STPG2: variants seen among roughly 807,000 people sequenced by gnomAD.
The protein encoded by STPG2 is sperm-tail PG-rich repeat-containing protein 2.
In STPG2, 56 loss-of-function variants were observed where a neutral mutation model predicts 54.2. The ratio of observed to expected loss-of-function variants is 1.03; its 90% confidence interval spans 0.83 to 1.29. The LOEUF is 1.29. Among genes scored for constraint, STPG2 ranks in the 50% most tolerant of loss-of-function variants. The pLI, the probability that STPG2 is intolerant of heterozygous loss-of-function variation, is 0.00. For missense variants in STPG2, 596 were observed against 544.9 expected (o/e 1.09, Z -0.93); for synonymous variants, 200 against 181.8 (o/e 1.10, Z -0.81).
In STPG2 at chr4:97,656,335, CAAG is replaced by C. The variant is rs1299908160; in HGVS notation, c.1320+56361_1320+56363del. 2.0e-5 allele frequency among the ~76,000 whole-genome samples: 3 copies of C among 152,154 alleles called. No homozygotes were observed. The East Asian group carries it at 5.8e-4, about 29-fold the overall frequency. ...ATAAAAGGTGATTCCATTCAAATGC[CAAG>C]AAGGTTTGTGGCATGTACTGTTGAC... On this transcript the variant is annotated intron_variant, in intron 10 of 10. Coordinates refer to ENST00000295268, the MANE Select transcript of STPG2 (RefSeq NM_174952.3).
At chr4:98,068,068 T>C (rs952821535) in intron 5 of STPG2, among the ~76,000 whole-genome samples, 9 of 152,164 alleles carry the variant, frequency 5.9e-5, no homozygotes, top group African/African-American at 2.2e-4. Context: ...TAATTCATAA[T>C]CTTTTGTATA....
At chr4:97,863,660 G>C (rs2149144202) in intron 8 of STPG2, among the ~76,000 whole-genome samples, 1 of 152,124 alleles carries the variant, frequency 6.6e-6, no homozygotes, top group Non-Finnish European at 1.5e-5. Context: ...GAGAATTTTA[G>C]ACCAATATCC....
intron 9 of STPG2, among the ~76,000 whole-genome samples, chr4:97,744,342 T>C (rs1725359303): frequency 6.6e-6 from 1 of 151,326 alleles, no homozygotes; most frequent in African/African-American, 2.4e-5. Flanking sequence ...CTTATCTTGA[T>C]GTCAAATGGC....
At chr4:97,652,143 T>C (rs1361209645) in intron 10 of STPG2, among the ~76,000 whole-genome samples, 1 of 151,892 alleles carries the variant, frequency 6.6e-6, no homozygotes, top group East Asian at 1.9e-4. Context: ...CCGTGAAACA[T>C]CACTTATGAT....
chr4:97,790,168 C>T (rs1414610385), intron 9 of STPG2, among the ~76,000 whole-genome samples: 1 of 98,850 alleles, frequency 1.0e-5, no homozygotes, highest in East Asian at 4.2e-4. Flanking sequence ...CTCACGATTA[C>T]ATCTGGAACA....
intron 10 of STPG2, among the ~76,000 whole-genome samples, chr4:97,652,887 T>A (rs961627041): frequency 5.3e-5 from 8 of 152,166 alleles, no homozygotes; most frequent in Non-Finnish European, 1.0e-4. Context: ...TAGACTAAAA[T>A]CATCATCATT....
chr4:97,865,258 C>A (rs577616030), intron 8 of STPG2, among the ~76,000 whole-genome samples: 1 of 152,074 alleles, frequency 6.6e-6, no homozygotes, highest in Non-Finnish European at 1.5e-5. Flanking sequence ...AAAAAACAAA[C>A]AACCCCATCA....
chr4:97,926,391 AG>A (rs1224404399), intron 8 of STPG2, among the ~76,000 whole-genome samples: 1 of 152,090 alleles, frequency 6.6e-6, no homozygotes, highest in Non-Finnish European at 1.5e-5. Context: ...CCATCCAAGA[AG>A]GGCTCTCTCT....
In STPG2 at chr4:98,018,417, T is replaced by A. The variant is rs538874544; in HGVS notation, c.613-37099A>T. Among the ~76,000 whole-genome samples the A allele has an allele frequency of 1.8e-3, 274 of 152,372 alleles. 2 individuals are homozygous for A. Among genetic ancestry groups the A allele is most frequent in the African/African-American group, 6.2e-3 (256 of 41,584 alleles). ...CAGATTTTCTTAATCCAGTCTATCA[T>A]TGTTGGACATTTGGGTTGGTTCCAA... On this transcript the variant is annotated intron_variant, in intron 5 of 10. Coordinates refer to ENST00000295268, the MANE Select transcript of STPG2 (RefSeq NM_174952.3).
intron 9 of STPG2, among the ~76,000 whole-genome samples, chr4:97,826,337 A>T (rs1398027291): frequency 6.6e-6 from 1 of 152,210 alleles, no homozygotes; most frequent in Non-Finnish European, 1.5e-5. Flanking sequence ...GGATTGTTTT[A>T]TGTGAGATAG....
At chr4:97,825,387 C>T (rs951993840) in intron 9 of STPG2, among the ~76,000 whole-genome samples, 6 of 152,082 alleles carry the variant, frequency 3.9e-5, no homozygotes, top group South Asian at 2.1e-4. Flanking sequence ...AAATACTAAG[C>T]TCTGCACATT....
chr4:97,598,160 C>A (rs944394719), intron 10 of STPG2, among the ~76,000 whole-genome samples: 1 of 151,862 alleles, frequency 6.6e-6, no homozygotes, highest in Non-Finnish European at 1.5e-5. Context: ...GAAACAAATA[C>A]GTAGGAATAC....
chr4:97,651,190 A>C (rs1722056705), intron 10 of STPG2, among the ~76,000 whole-genome samples: 1 of 152,146 alleles, frequency 6.6e-6, no homozygotes, highest in Non-Finnish European at 1.5e-5. Flanking sequence ...AAGTTTCTTG[A>C]CTACCTGTGT....
chr4:97,477,863 T>G (rs967499825), intron 4 of STPG2, among the ~76,000 whole-genome samples: 1 of 152,082 alleles, frequency 6.6e-6, no homozygotes, highest in Non-Finnish European at 1.5e-5. Context: ...TCTATATCCT[T>G]TGACAAATCT....
At chr4:97,600,771 C>T (rs112259676) in intron 10 of STPG2, among the ~76,000 whole-genome samples, 1,911 of 152,048 alleles carry the variant, frequency 0.013, 37 homozygotes, top group African/African-American at 0.044. Context: ...TTATATAGAC[C>T]GTTAAAGCCT....
intron 9 of STPG2, among the ~76,000 whole-genome samples, chr4:97,778,912 A>G (rs1726488470): frequency 6.6e-6 from 1 of 152,210 alleles, no homozygotes; most frequent in African/African-American, 2.4e-5. Flanking sequence ...AAGGACATCC[A>G]CACCAAAACC....
At chr4:97,638,108 A>C (rs540346328) in intron 10 of STPG2, among the ~76,000 whole-genome samples, 1 of 152,330 alleles carries the variant, frequency 6.6e-6, no homozygotes, top group South Asian at 2.1e-4. Flanking sequence ...ACAAGGCTAC[A>C]GTAACCAAAA....
intron 3 of STPG2, among the ~76,000 whole-genome samples, chr4:98,114,575 G>A (rs950827360): frequency 6.6e-6 from 1 of 151,890 alleles, no homozygotes; most frequent in African/African-American, 2.4e-5. Context: ...CTCTTTTAAT[G>A]CAAGGATTCA....
chr4:97,927,217 T>G (rs925771118), intron 8 of STPG2, among the ~76,000 whole-genome samples: 1 of 128,830 alleles, frequency 7.8e-6, no homozygotes, highest in South Asian at 2.6e-4. Flanking sequence ...CTCAACTCTA[T>G]GTATTATAAC....
Sources: allele counts gnomAD v4.1 joint callset (sites outside exome capture counted in the v4.1 genomes callset), GRCh38; gene constraint gnomAD v4.1.1; transcripts MANE v1.5; gene names NCBI Gene and HGNC (gene_info 2026-07-23, HGNC 2026-07-21).